The following KCNQ5 variants were observed in gnomAD, a reference collection of about 807,000 sequenced individuals.
KCNQ5 encodes potassium voltage-gated channel subfamily KQT member 5.
KCNQ5 carries 30 observed loss-of-function variants against 98.2 expected under a neutral mutation model. That is an observed-to-expected ratio of 0.31 (90% CI 0.23 to 0.41). The LOEUF (loss-of-function observed/expected upper bound fraction) is 0.41, where lower values mean the gene tolerates loss of function less well. Among genes scored for constraint, KCNQ5 ranks in the 10% least tolerant of loss-of-function variants. The pLI, the probability that KCNQ5 is intolerant of heterozygous loss-of-function variation, is 1.00. For synonymous variants in KCNQ5, 458 were observed against 449.4 expected (o/e 1.02, Z -0.24); for missense variants, 835 against 1,182.5 (o/e 0.71, Z 4.31).
At chr6:73,042,421 T>G (rs923899947) in intron 3 of KCNQ5, among the ~76,000 whole-genome samples, 1 of 152,224 alleles carries the variant, frequency 6.6e-6, no homozygotes, top group African/African-American at 2.4e-5. Context: ...GTTTCTCCAG[T>G]GTTGCCCTAA....
At chr6:72,955,904 A>C (rs776423908) in intron 1 of KCNQ5, among the ~76,000 whole-genome samples, 3 of 152,190 alleles carry the variant, frequency 2.0e-5, no homozygotes, top group African/African-American at 7.2e-5. Flanking sequence ...TGGGTGACAC[A>C]GAGTGAGACT....
chr6:72,655,559 C>T (rs1410870415), intron 1 of KCNQ5, among the ~76,000 whole-genome samples: 1 of 151,948 alleles, frequency 6.6e-6, no homozygotes, highest in African/African-American at 2.4e-5. Flanking sequence ...GGATGAGGAA[C>T]AACATGGGCA....
intron 1 of KCNQ5, among the ~76,000 whole-genome samples, chr6:72,672,747 C>T (rs1262529869): frequency 2.0e-5 from 3 of 152,086 alleles, no homozygotes; most frequent in African/African-American, 7.2e-5. Flanking sequence ...ATTGATTTCA[C>T]TCATTATTTC....
At chr6:72,781,441 T>C (rs1237379523) in intron 1 of KCNQ5, among the ~76,000 whole-genome samples, 1 of 152,208 alleles carries the variant, frequency 6.6e-6, no homozygotes, top group East Asian at 1.9e-4. Context: ...ACACCTTTCT[T>C]GTTATATTTC....
At chr6:73,153,921 G>C (rs1340796882) in intron 10 of KCNQ5, among the ~76,000 whole-genome samples, 1 of 143,330 alleles carries the variant, frequency 7.0e-6, no homozygotes, top group Non-Finnish European at 1.5e-5. Context: ...AAAAAAGTTT[G>C]CTCTCCAAAT....
At position 73,105,337 on chromosome 6, in the gene KCNQ5, C is replaced by T; in HGVS notation, c.999C>T (p.Leu333=). ...GATTGCTTTCTGCAGGCTTTGCACT[C>T]CTTGGCATTTCTTTCTTTGCACTTC... is the stretch of plus-strand genomic sequence containing the variant. ...LGRLLSAGFA[L]LGISFFALPA... Residue 333 remains leucine, a synonymous_variant, in exon 6 of 14, where the codon CTC becomes CTT. Transcript: ENST00000370398. 6.2e-7 allele frequency: 1 copy of T among 1,611,956 alleles called. No homozygotes were observed.
chr6:72,844,626 T>C (rs757637259), intron 1 of KCNQ5, among the ~76,000 whole-genome samples: 6 of 152,286 alleles, frequency 3.9e-5, no homozygotes, highest in Middle Eastern at 3.4e-3. Flanking sequence ...GTCTTCACCT[T>C]CAAGTATTGC....
In KCNQ5 at chr6:73,003,991, T is replaced by C. The variant is rs1342144805; in HGVS notation, c.482T>C (p.Leu161Ser). 6.3e-7 allele frequency: 1 copy of C among 1,593,080 alleles called. No individual in the cohort carries two copies. Among genetic ancestry groups the C allele is most frequent in the Non-Finnish European group, 8.6e-7 (1 of 1,161,148 alleles). ...EHTKLASSCL[L>S]ILEFVMIVVF... The stretch of plus-strand genomic sequence containing the variant: ...ACAAAATTGGCCTCAAGTTGCCTCT[T>C]GATCCTGGTAAGTGAAACATGAACA... The change falls in exon 2 of 14, where the codon TTG (leucine) becomes TCG (serine). Residue 161 changes from leucine (L) to serine (S), a missense_variant. Leu to Ser is a moderately radical substitution (Grantham distance 145). Transcript: ENST00000370398.
chr6:72,899,268 T>G (rs566750559), intron 1 of KCNQ5, among the ~76,000 whole-genome samples: 1 of 152,304 alleles, frequency 6.6e-6, no homozygotes, highest in African/African-American at 2.4e-5. Flanking sequence ...AAAATTCATT[T>G]CTAATAACCA....
chr6:72,833,330 CCA>C (rs895145947), intron 1 of KCNQ5, among the ~76,000 whole-genome samples: 42 of 152,230 alleles, frequency 2.8e-4, no homozygotes, highest in African/African-American at 1.0e-3. Flanking sequence ...AAATTATTAG[CCA>C]CATCCCCAAA....
At chr6:72,871,960 A>C (rs2150163345) in intron 1 of KCNQ5, among the ~76,000 whole-genome samples, 1 of 152,344 alleles carries the variant, frequency 6.6e-6, no homozygotes, top group East Asian at 1.9e-4. Flanking sequence ...CTTCCAGGAT[A>C]GGAGGCTTCC....
intron 1 of KCNQ5, among the ~76,000 whole-genome samples, chr6:72,696,360 A>G (rs1250993846): frequency 6.6e-6 from 1 of 152,246 alleles, no homozygotes. Flanking sequence ...TTGATAAAAT[A>G]CGGGTGTGAA....
At chr6:73,166,689 A>T (rs1158811102) in intron 10 of KCNQ5, among the ~76,000 whole-genome samples, 1 of 152,146 alleles carries the variant, frequency 6.6e-6, no homozygotes, top group African/African-American at 2.4e-5. Context: ...ACGGGAGTCC[A>T]GAAGTCTGAA....
intron 1 of KCNQ5, among the ~76,000 whole-genome samples, chr6:72,776,006 CATTA>C (rs1485997455): frequency 6.6e-6 from 1 of 152,128 alleles, no homozygotes; most frequent in Admixed American, 6.6e-5. Flanking sequence ...AATATTGGTT[CATTA>C]ATTATGACAC....
intron 1 of KCNQ5, among the ~76,000 whole-genome samples, chr6:72,768,027 A>G (rs1772668083): frequency 1.3e-5 from 2 of 152,108 alleles, no homozygotes; most frequent in African/African-American, 4.8e-5. Context: ...ATGTCCACAC[A>G]AAAACTTGAA....
intron 1 of KCNQ5, among the ~76,000 whole-genome samples, chr6:72,811,744 C>A (rs777242543): frequency 2.0e-5 from 3 of 152,130 alleles, no homozygotes; most frequent in Non-Finnish European, 2.9e-5. Context: ...GAAAGGGTCC[C>A]AGTTCAGACC....
At chr6:72,862,985 T>C (rs1777832107) in intron 1 of KCNQ5, among the ~76,000 whole-genome samples, 1 of 152,214 alleles carries the variant, frequency 6.6e-6, no homozygotes, top group South Asian at 2.1e-4. Flanking sequence ...CCTTGCACTG[T>C]TATTCATAGG....
chr6:73,150,007 G>GAA (rs60083203), intron 10 of KCNQ5, among the ~76,000 whole-genome samples: 1 of 135,428 alleles, frequency 7.4e-6, no homozygotes. Context: ...CACCACAGGG[G>GAA]AAAAAAAAAA....
chr6:72,753,013 A>T (rs539671123), intron 1 of KCNQ5, among the ~76,000 whole-genome samples: 1 of 152,228 alleles, frequency 6.6e-6, no homozygotes, highest in Admixed American at 6.5e-5. Context: ...ATGTAAGGCA[A>T]GTTTTTACTT....
Sources: gnomAD v4.1 joint callset for allele counts (sites outside exome capture counted in the v4.1 genomes callset) on GRCh38, gnomAD v4.1.1 for gene constraint, MANE v1.5 for transcripts, NCBI Gene and HGNC (gene_info 2026-07-23, HGNC 2026-07-21) for gene names.